The following DNAI7 variants were observed in gnomAD, a reference collection of about 807,000 sequenced individuals.
DNAI7 encodes cancer susceptibility 1.
A neutral mutation model predicts 86.6 loss-of-function variants in DNAI7; 78 were observed. The ratio of observed to expected loss-of-function variants is 0.90; its 90% CI spans 0.75 to 1.09. The LOEUF is 1.09. Ranked by LOEUF, DNAI7 falls within the 50% of genes least tolerant of loss-of-function variation. The pLI, the probability that DNAI7 is intolerant of heterozygous loss-of-function variation, is 0.00. For synonymous variants in DNAI7, 274 were observed against 273.0 expected (o/e 1.00, Z -0.04); for missense variants, 753 against 810.2 (o/e 0.93, Z 0.86).
chr12:25,168,329 C>T (rs1244436514), intron 2 of DNAI7, among the ~76,000 whole-genome samples: 1 of 152,180 alleles, frequency 6.6e-6, no homozygotes, highest in African/African-American at 2.4e-5. Flanking sequence ...GACCGAAGAG[C>T]TCCCTGTTCC....
intron 2 of DNAI7, among the ~76,000 whole-genome samples, chr12:25,187,681 A>G (rs2088092547): frequency 6.6e-6 from 1 of 152,224 alleles, no homozygotes; most frequent in Non-Finnish European, 1.5e-5. Flanking sequence ...TCAATGAGAT[A>G]TGATGCAGCC....
chr12:25,156,611 G>C (rs954479719), intron 4 of DNAI7, among the ~76,000 whole-genome samples: 5 of 150,736 alleles, frequency 3.3e-5, no homozygotes, highest in African/African-American at 1.2e-4. Context: ...CGCGGTGGCG[G>C]GTGCCTGTAA....
At chr12:25,165,851 G>A (rs970596698) in intron 2 of DNAI7, among the ~76,000 whole-genome samples, 23 of 152,094 alleles carry the variant, frequency 1.5e-4, no homozygotes, top group East Asian at 3.9e-4. Context: ...AATTTAGACA[G>A]TACTCTTTTA....
At chr12:25,119,093 A>G (rs2291365) in intron 12 of DNAI7, 52 bp downstream of exon 12, 661,446 of 1,435,908 alleles carry the variant, frequency 0.46, 159,214 homozygotes, top group East Asian at 0.78. Context: ...GTTTCAACTT[A>G]AGGGTTTTTA....
At chr12:25,193,853 G>C (rs577034709) in intron 1 of DNAI7, among the ~76,000 whole-genome samples, 1 of 148,554 alleles carries the variant, frequency 6.7e-6, no homozygotes, top group East Asian at 2.0e-4. Context: ...ACGGAGTCTC[G>C]CTCTGTCACC....
intron 2 of DNAI7, among the ~76,000 whole-genome samples, chr12:25,183,622 G>A (rs1218849229): frequency 6.8e-6 from 1 of 146,094 alleles, no homozygotes; most frequent in Non-Finnish European, 1.5e-5. Flanking sequence ...TTTACTTTTT[G>A]TAGAGATGGG....
intron 2 of DNAI7, among the ~76,000 whole-genome samples, chr12:25,181,552 T>G (rs1949504665): frequency 6.6e-6 from 1 of 152,150 alleles, no homozygotes; most frequent in Non-Finnish European, 1.5e-5. Context: ...TGGGACTTAA[T>G]TAAACTAAAG....
chr12:25,112,399 GTTTTTTTTT>G (rs10602859), intron 13 of DNAI7, among the ~76,000 whole-genome samples: 2 of 104,298 alleles, frequency 1.9e-5, no homozygotes, highest in Non-Finnish European at 3.6e-5. Flanking sequence ...TTCACATCTG[GTTTTTTTTT>G]TTTTTTTTTT....
intron 2 of DNAI7, among the ~76,000 whole-genome samples, chr12:25,175,649 T>C (rs1481357170): frequency 1.3e-5 from 2 of 152,102 alleles, no homozygotes; most frequent in African/African-American, 2.4e-5. Flanking sequence ...CGCCCGGCTC[T>C]ACACATTTTT....
intron 2 of DNAI7, among the ~76,000 whole-genome samples, chr12:25,167,755 T>C (rs1009684911): frequency 3.3e-5 from 5 of 152,098 alleles, no homozygotes; most frequent in African/African-American, 1.2e-4. Context: ...TCCCCAGACA[T>C]TTGACATCAG....
chr12:25,113,785 C>A (rs575582879), intron 13 of DNAI7, among the ~76,000 whole-genome samples: 12 of 152,046 alleles, frequency 7.9e-5, no homozygotes, highest in Non-Finnish European at 1.8e-4. Context: ...CAACTATCCC[C>A]ATAAATCCAT....
At position 25,112,412 on chromosome 12, in the gene DNAI7, T is replaced by G. The variant is rs937202409; in HGVS notation, c.1612-473A>C. ...AATTCACATCTGGTTTTTTTTTTTT[T>G]TTTTTTTTTTTTGAGACGGAGTCTC... On this transcript the variant is annotated intron_variant, in intron 13 of 15. Transcript: ENST00000395987. Among the ~76,000 whole-genome samples the G allele has an allele frequency of 8.1e-3, 1,148 of 142,420 alleles. 20 individuals are homozygous for G. Among genetic ancestry groups the G allele is most frequent in the Non-Finnish European group, 0.011 (712 of 65,670 alleles). The allele number at this position is 142,420 out of a possible 152,430, so 93.4% of individuals were successfully genotyped here. A position where few individuals can be genotyped will look rare whatever the true frequency, so the allele number is the denominator to read the frequency against.
At chr12:25,177,829 C>T (rs1949113559) in intron 2 of DNAI7, among the ~76,000 whole-genome samples, 1 of 152,170 alleles carries the variant, frequency 6.6e-6, no homozygotes, top group South Asian at 2.1e-4. Context: ...TTTTGCTCAT[C>T]TAAAAGGTGT....
Position 25,158,485 on chromosome 12 carries a change from C to A in DNAI7, c.185G>T (p.Arg62Leu). ...ATGTTTATTTACTTTTGCTTCAAGT[C>A]GATGCCATTTTTCTTTCTCAATTCG... ...IQRIEKEKWH[R>L]LEAKDLERRN... The change falls in exon 4 of 16, where the codon CGA becomes CTA. Residue 62 changes from arginine to leucine, a missense_variant. Arg to Leu is a moderately radical substitution (Grantham distance 102). Transcript: ENST00000395987. 1 of 1,611,764 alleles carries A rather than the reference C, an allele frequency of 6.2e-7. No homozygotes were observed.
At chr12:25,119,008 A>G in intron 12 of DNAI7, 137 bp downstream of exon 12, 2 of 672,226 alleles carry the variant, frequency 3.0e-6, no homozygotes, top group Middle Eastern at 4.1e-4. Flanking sequence ...TCCATTAAGA[A>G]CAAACAAAAC....
At chr12:25,166,112 C>G (rs1038451459) in intron 2 of DNAI7, among the ~76,000 whole-genome samples, 2 of 152,126 alleles carry the variant, frequency 1.3e-5, no homozygotes, top group African/African-American at 4.8e-5. Context: ...AACCTAATCA[C>G]TCTTACCCCG....
At chr12:25,137,617 T>C (rs1330009194) in intron 9 of DNAI7, among the ~76,000 whole-genome samples, 1 of 152,106 alleles carries the variant, frequency 6.6e-6, no homozygotes, top group Non-Finnish European at 1.5e-5. Context: ...GGATAAGAAT[T>C]CACCAACCAA....
rs957602018 is a variant in DNAI7 at position 25,165,055 on chromosome 12, C to T, written c.22-3858G>A. On this transcript the variant is annotated intron_variant, in intron 2 of 15. Transcript: ENST00000395987. ...TAGGCTTTTTTCATCAAATAAAAAA[C>T]GCAGCCCAGTTCATGGCTCATTTGG... is the stretch of plus-strand genomic sequence containing the variant. 5.9e-5 allele frequency among the ~76,000 whole-genome samples: 9 copies of T among 152,242 alleles called. No individual in the cohort carries two copies. The South Asian group carries it at 6.2e-4, about 11-fold the overall frequency.
At chr12:25,159,991 CTG>C (rs1946653762) in intron 3 of DNAI7, among the ~76,000 whole-genome samples, 1 of 152,020 alleles carries the variant, frequency 6.6e-6, no homozygotes, top group African/African-American at 2.4e-5. Flanking sequence ...TATTATAAAA[CTG>C]TAAAAATTTA....
Sources: gnomAD v4.1 joint callset for allele counts (sites outside exome capture counted in the v4.1 genomes callset) on GRCh38, gnomAD v4.1.1 for gene constraint, MANE v1.5 for transcripts, NCBI Gene and HGNC (gene_info 2026-07-23, HGNC 2026-07-21) for gene names.